Variants in CADPS2 observed in about 807,000 individuals in gnomAD.
CADPS2 encodes calcium-dependent secretion activator 2.
Under a neutral mutation model 172.5 loss-of-function variants are expected in CADPS2, and 93 were observed. That is an observed-to-expected ratio of 0.54 (90% CI 0.46 to 0.64). CADPS2 has a LOEUF of 0.64. Among genes scored for constraint, CADPS2 ranks in the 30% least tolerant of loss-of-function variants. The pLI, the probability that CADPS2 is intolerant of heterozygous loss-of-function variation, is 0.00. For missense variants in CADPS2, 1,420 were observed against 1,565.9 expected (o/e 0.91, Z 1.57); for synonymous variants, 546 against 555.2 (o/e 0.98, Z 0.23).
At chr7:122,655,522 T>C (rs1184718129) in intron 3 of CADPS2, among the ~76,000 whole-genome samples, 1 of 152,172 alleles carries the variant, frequency 6.6e-6, no homozygotes, top group African/African-American at 2.4e-5. Context: ...TTAAGATACA[T>C]AGGTTATTTT....
At chr7:122,470,058 T>G (rs140164727) in intron 14 of CADPS2, among the ~76,000 whole-genome samples, 1 of 152,166 alleles carries the variant, frequency 6.6e-6, no homozygotes, top group African/African-American at 2.4e-5. Context: ...TGGAAGAGGA[T>G]GGTAATGGGA....
At chr7:122,387,525 T>C (rs1399484351) in intron 23 of CADPS2, among the ~76,000 whole-genome samples, 1 of 152,048 alleles carries the variant, frequency 6.6e-6, no homozygotes, top group Non-Finnish European at 1.5e-5. Context: ...AGTAGAAAAA[T>C]CACACACTTG....
chr7:122,557,537 TG>T (rs2065184039), intron 7 of CADPS2, among the ~76,000 whole-genome samples: 2 of 152,108 alleles, frequency 1.3e-5, no homozygotes, highest in Non-Finnish European at 2.9e-5. Flanking sequence ...TGAGGCAGAA[TG>T]GGGAGGGAAG....
At chr7:122,580,992 C>T (rs908710392) in intron 7 of CADPS2, among the ~76,000 whole-genome samples, 187 bp downstream of exon 7, 15 of 152,100 alleles carry the variant, frequency 9.9e-5, no homozygotes, top group Non-Finnish European at 1.9e-4. Flanking sequence ...TATCACAATA[C>T]TTTCTGTGTT....
At chr7:122,606,522 C>T (rs1209564708) in intron 6 of CADPS2, among the ~76,000 whole-genome samples, 1 of 152,034 alleles carries the variant, frequency 6.6e-6, no homozygotes, top group African/African-American at 2.4e-5. Context: ...AAAGAATTGG[C>T]CCTTTATGGT....
intron 1 of CADPS2, among the ~76,000 whole-genome samples, chr7:122,753,159 C>A (rs2093020220): frequency 6.6e-6 from 1 of 152,104 alleles, no homozygotes; most frequent in Non-Finnish European, 1.5e-5. Context: ...CTTACAAGCA[C>A]ATTTTTGAAT....
chr7:122,776,095 G>A (rs34474462), intron 1 of CADPS2, among the ~76,000 whole-genome samples: 28,785 of 151,996 alleles, frequency 0.19, 2,837 homozygotes, highest in Middle Eastern at 0.27. Flanking sequence ...TATATGGTTT[G>A]GCTGTGTCCC....
intron 9 of CADPS2, among the ~76,000 whole-genome samples, chr7:122,502,415 C>G (rs1379815514): frequency 6.6e-6 from 1 of 151,508 alleles, no homozygotes; most frequent in Admixed American, 6.6e-5. Context: ...TCCTCTTTAT[C>G]TTCTATTATT....
Position 122,707,421 on chromosome 7 carries a change from G to C in CADPS2, c.453+29534C>G, listed in dbSNP as rs563029888. Among the ~76,000 whole-genome samples, 7 of 151,880 alleles carry C rather than the reference G, an allele frequency of 4.6e-5. No homozygotes were observed. In the East Asian group the frequency reaches 1.4e-3, roughly 29 times the overall value. On this transcript the variant is annotated intron_variant, in intron 2 of 29. Transcript: ENST00000449022. Reference sequence around the variant, plus strand: ...CCTCTGCTATTCTTTGATCTCTATGGGTAAGAGTGCTCACACTTCCAGAAA... The same window carrying C: ...CCTCTGCTATTCTTTGATCTCTATGCGTAAGAGTGCTCACACTTCCAGAAA...
At chr7:122,713,006 C>T (rs529100238) in intron 2 of CADPS2, among the ~76,000 whole-genome samples, 1 of 151,924 alleles carries the variant, frequency 6.6e-6, no homozygotes, top group East Asian at 1.9e-4. Flanking sequence ...ACGGCACACA[C>T]AAAAATAAAT....
At chr7:122,634,463 G>A (rs186733017) in intron 3 of CADPS2, among the ~76,000 whole-genome samples, 1 of 152,076 alleles carries the variant, frequency 6.6e-6, no homozygotes, top group African/African-American at 2.4e-5. Context: ...ATATACAGAG[G>A]TTTTCAAAAT....
At chr7:122,858,686 C>T (rs185176406) in intron 1 of CADPS2, among the ~76,000 whole-genome samples, 3 of 152,194 alleles carry the variant, frequency 2.0e-5, no homozygotes, top group African/African-American at 4.8e-5. Context: ...ATTTGAAACA[C>T]GTTATATATA....
At chr7:122,541,448 C>T (rs1443221817) in intron 8 of CADPS2, among the ~76,000 whole-genome samples, 12 of 148,064 alleles carry the variant, frequency 8.1e-5, no homozygotes, top group South Asian at 6.4e-4. Context: ...TCAGGTGATC[C>T]GCCCGCCTCA....
chr7:122,749,501 A>G (rs981740109), intron 1 of CADPS2, among the ~76,000 whole-genome samples: 1 of 152,126 alleles, frequency 6.6e-6, no homozygotes, highest in African/African-American at 2.4e-5. Flanking sequence ...TTTCCCTAAC[A>G]AATAACAAAA....
At chr7:122,365,658 T>C (rs2040756926) in intron 25 of CADPS2, among the ~76,000 whole-genome samples, 1 of 152,196 alleles carries the variant, frequency 6.6e-6, no homozygotes, top group African/African-American at 2.4e-5. Context: ...CGGGTTGGAA[T>C]GAAACACTGT....
intron 9 of CADPS2, among the ~76,000 whole-genome samples, chr7:122,494,865 A>ATAAGGGTTGCTCCCATATGG (rs2058608548): frequency 6.7e-6 from 1 of 150,248 alleles, no homozygotes; most frequent in African/African-American, 2.4e-5. Flanking sequence ...AATGAAAGTC[A>ATAAGGGTTGCTCCCATATGG]GTTGCTCCCA....
chr7:122,665,646 T>G (rs1198801119), intron 2 of CADPS2, among the ~76,000 whole-genome samples: 1 of 152,198 alleles, frequency 6.6e-6, no homozygotes, highest in African/African-American at 2.4e-5. Context: ...TGTCAAATAT[T>G]ATACTGAGTA....
chr7:122,567,928 T>C (rs969813895), intron 7 of CADPS2, among the ~76,000 whole-genome samples: 1 of 152,084 alleles, frequency 6.6e-6, no homozygotes, highest in Admixed American at 6.6e-5. Flanking sequence ...AGATTTAAGC[T>C]TAACCATATC....
chr7:122,339,624 T>C (rs1299368030), intron 28 of CADPS2, among the ~76,000 whole-genome samples: 4 of 152,208 alleles, frequency 2.6e-5, no homozygotes, highest in South Asian at 2.1e-4. Flanking sequence ...TGGTGGCTCA[T>C]GTCTGTAATC....
Sources: gnomAD v4.1 joint callset for allele counts (sites outside exome capture counted in the v4.1 genomes callset) on GRCh38, gnomAD v4.1.1 for gene constraint, MANE v1.5 for transcripts, NCBI Gene and HGNC (gene_info 2026-07-23, HGNC 2026-07-21) for gene names.